Variants in PTPRM observed in about 807,000 individuals in gnomAD.
The protein encoded by PTPRM is receptor-type tyrosine-protein phosphatase mu.
Under a neutral mutation model 186.7 loss-of-function variants are expected in PTPRM, and 47 were observed. That is an observed-to-expected ratio of 0.25 (90% CI 0.20 to 0.32). PTPRM has a LOEUF of 0.32. Ranked by LOEUF, PTPRM falls within the 10% of genes least tolerant of loss-of-function variation. PTPRM has a pLI of 1.00. For synonymous variants in PTPRM, 668 were observed against 674.9 expected, an observed-to-expected ratio of 0.99 and a Z score of 0.16; for missense variants, 1,494 against 1,865.0, an observed-to-expected ratio of 0.80 and a Z score of 3.66.
chr18:7,984,251 G>A lies in PTPRM; in HGVS notation c.1132+28837G>A, dbSNP rs113378428. ...GAGTTTATAAGGTACCACCACATCC[G>A]TTTTCTTACCTAATCCTCGTAATGA... On this transcript the variant is annotated intron_variant, in intron 7 of 32. Transcript: ENST00000580170. 7.2e-5 allele frequency among the ~76,000 whole-genome samples: 11 copies of A among 152,004 alleles called. No homozygotes were observed. In the East Asian group the frequency reaches 1.2e-3, roughly 16 times the overall value.
At chr18:7,801,228 CAT>C (rs35809986) in intron 2 of PTPRM, among the ~76,000 whole-genome samples, 72,804 of 151,922 alleles carry the variant, frequency 0.48, 19,550 homozygotes, top group East Asian at 0.75. Context: ...AAAACACAAA[CAT>C]ACAGCTGTAT....
intron 2 of PTPRM, among the ~76,000 whole-genome samples, chr18:7,852,413 C>T (rs974774196): frequency 7.9e-5 from 12 of 151,786 alleles, no homozygotes; most frequent in Admixed American, 7.9e-4. Flanking sequence ...CCTGTCTCTA[C>T]AAAAAAATTT....
At chr18:8,357,607 G>A (rs551690852) in intron 23 of PTPRM, among the ~76,000 whole-genome samples, 4 of 152,212 alleles carry the variant, frequency 2.6e-5, no homozygotes, top group Non-Finnish European at 4.4e-5. Context: ...TGCATGCCCC[G>A]TTGTGTTCTG....
chr18:7,769,914 A>T (rs1254078755), intron 1 of PTPRM, among the ~76,000 whole-genome samples: 1 of 152,168 alleles, frequency 6.6e-6, no homozygotes, highest in Admixed American at 6.5e-5. Flanking sequence ...AAAAAGAGAG[A>T]GAATGAGTGA....
intron 19 of PTPRM, among the ~76,000 whole-genome samples, chr18:8,268,128 G>A (rs760172903): frequency 9.2e-5 from 14 of 152,090 alleles, no homozygotes; most frequent in Non-Finnish European, 1.5e-4. Flanking sequence ...ACTCTGTATA[G>A]TTTTGTTTGA....
chr18:8,361,290 A>G lies in PTPRM; in HGVS notation c.3055-9600A>G, dbSNP rs148048346. 8.0e-3 allele frequency among the ~76,000 whole-genome samples: 1,215 copies of G among 152,252 alleles called. 16 individuals carry two copies. The highest frequency in any genetic ancestry group is 0.027 in the African/African-American group (1,123 of 41,542). The stretch of plus-strand genomic sequence containing the variant: ...GAAATTAAAGCTTGTTATCTTCCTA[A>G]TACTGATACAGACCATAAAGCATTG... On this transcript the variant is annotated intron_variant, in intron 23 of 32. Transcript: ENST00000580170.
intron 7 of PTPRM, among the ~76,000 whole-genome samples, chr18:7,988,481 AT>A (rs1326527597): frequency 6.6e-6 from 1 of 152,156 alleles, no homozygotes; most frequent in Non-Finnish European, 1.5e-5. Flanking sequence ...CATTCATAAT[AT>A]TGTGTAACTG....
At chr18:7,983,128 C>T (rs1212685352) in intron 7 of PTPRM, among the ~76,000 whole-genome samples, 2 of 152,142 alleles carry the variant, frequency 1.3e-5, no homozygotes, top group Non-Finnish European at 2.9e-5. Flanking sequence ...CCCCTGACTG[C>T]CAACCAGGTA....
chr18:7,915,995 T>G (rs1382690584), intron 4 of PTPRM, among the ~76,000 whole-genome samples: 1 of 152,182 alleles, frequency 6.6e-6, no homozygotes, highest in Non-Finnish European at 1.5e-5. Context: ...GTGAAATAAC[T>G]TAGAAACAGA....
chr18:7,806,117 A>T lies in PTPRM; in HGVS notation c.196+31846A>T, dbSNP rs79622712. On this transcript the variant is annotated intron_variant, in intron 2 of 32. Coordinates refer to ENST00000580170, the MANE Select transcript of PTPRM (RefSeq NM_001105244.2). ...TGGGCAGGGCACTCCCACTGGACATACTCTGAACTGAACCCACAGTGGAAA... is the reference window on the plus strand; with the variant it reads ...TGGGCAGGGCACTCCCACTGGACATTCTCTGAACTGAACCCACAGTGGAAA... 3.7e-4 allele frequency among the ~76,000 whole-genome samples: 56 copies of T among 152,176 alleles called. No homozygotes were observed. The East Asian group carries it at 6.8e-3, about 18-fold the overall frequency.
At chr18:7,689,692 A>G (rs891614648) in intron 1 of PTPRM, among the ~76,000 whole-genome samples, 2 of 152,226 alleles carry the variant, frequency 1.3e-5, no homozygotes, top group African/African-American at 4.8e-5. Flanking sequence ...TTGAAAAAAT[A>G]AGCAACAAGT....
Position 8,314,793 on chromosome 18 carries a change from G to T in PTPRM, c.2855G>T (p.Arg952Leu). ...YGNIIAYDHS[R>L]VRLQTIEGDT... ...TTTTCCTTTGCAGACGATCATTCCC[G>T]AGTGAGGCTGCAGACAATAGAAGGA... The change falls in exon 21 of 33, where the codon CGA (arginine) becomes CTA (leucine). Residue 952 changes from arginine (R) to leucine (L), a missense_variant. By Grantham distance (102) the Arg-to-Leu change is moderately radical. Transcript: ENST00000580170. 1.2e-6 allele frequency: 2 copies of T among 1,611,644 alleles called. No individual in the cohort carries two copies. The highest frequency in any genetic ancestry group is 2.2e-5 in the South Asian group (2 of 90,784).
intron 1 of PTPRM, among the ~76,000 whole-genome samples, chr18:7,709,638 C>T (rs1434995391): frequency 1.3e-5 from 2 of 151,672 alleles, no homozygotes; most frequent in Non-Finnish European, 2.9e-5. Flanking sequence ...GAAAAGATAA[C>T]CAAAATTGAT....
At chr18:8,139,613 A>C (rs1442548326) in intron 13 of PTPRM, among the ~76,000 whole-genome samples, 1 of 152,142 alleles carries the variant, frequency 6.6e-6, no homozygotes, top group Non-Finnish European at 1.5e-5. Flanking sequence ...CCTTCTCCGC[A>C]GTTCACCGCA....
chr18:8,318,261 A>G (rs1285982720), intron 21 of PTPRM, among the ~76,000 whole-genome samples: 1 of 128,410 alleles, frequency 7.8e-6, no homozygotes, highest in Admixed American at 7.6e-5. Context: ...CCAGATACTT[A>G]TCCTACAATT....
At chr18:7,805,999 A>G (rs1336334831) in intron 2 of PTPRM, among the ~76,000 whole-genome samples, 1 of 152,212 alleles carries the variant, frequency 6.6e-6, no homozygotes, top group Non-Finnish European at 1.5e-5. Context: ...GGCAAGGGGA[A>G]TAACTTGAGA....
At chr18:7,898,329 C>G (rs889968523) in intron 3 of PTPRM, among the ~76,000 whole-genome samples, 3 of 152,188 alleles carry the variant, frequency 2.0e-5, no homozygotes, top group African/African-American at 7.2e-5. Context: ...TCCACCAGCA[C>G]ATTTTCCTTG....
At chr18:8,184,724 T>A (rs557970595) in intron 14 of PTPRM, among the ~76,000 whole-genome samples, 1 of 152,356 alleles carries the variant, frequency 6.6e-6, no homozygotes, top group Admixed American at 6.5e-5. Flanking sequence ...ATATGAGGAT[T>A]TGCCCTATGT....
chr18:7,933,367 AAG>A (rs1418684573), intron 5 of PTPRM, among the ~76,000 whole-genome samples: 1 of 152,220 alleles, frequency 6.6e-6, no homozygotes, highest in African/African-American at 2.4e-5. Flanking sequence ...AAGAAGGAAA[AAG>A]AAATTCATTC....
Sources: gnomAD v4.1 joint callset for allele counts (sites outside exome capture counted in the v4.1 genomes callset) on GRCh38, gnomAD v4.1.1 for gene constraint, MANE v1.5 for transcripts, NCBI Gene and HGNC (gene_info 2026-07-23, HGNC 2026-07-21) for gene names.